GOLGA3: variants seen among roughly 807,000 people sequenced by gnomAD.
GOLGA3 encodes golgin A3.
A neutral mutation model predicts 169.4 loss-of-function variants in GOLGA3; 75 were observed. That is an observed-to-expected ratio of 0.44 (90% CI 0.37 to 0.54). The LOEUF (loss-of-function observed/expected upper bound fraction) is 0.54. Ranked by LOEUF, GOLGA3 falls within the 20% of genes least tolerant of loss-of-function variation. The pLI is 0.00. For synonymous variants in GOLGA3, 824 were observed against 822.4 expected, an observed-to-expected ratio of 1.00 and a Z score of -0.03; for missense variants, 1,899 against 1,930.0, an observed-to-expected ratio of 0.98 and a Z score of 0.30.
At position 132,777,467 on chromosome 12, in the gene GOLGA3, T is replaced by C. The variant is rs762442468; in HGVS notation, c.3722+199A>G. On this transcript the variant is annotated intron_variant, in intron 19 of 23. Coordinates refer to ENST00000450791, the MANE Select transcript of GOLGA3 (RefSeq NM_001389683.1). This position sits in a 1 kb window ranked among gnomAD's most constrained non-coding sequence, Gnocchi z 4.7. ...TACTCCTGCTGGGGCGCTTTCTCTC[T>C]TGGGGGGAGGACACGGGGCAGTGAG... 6.6e-6 allele frequency among the ~76,000 whole-genome samples: 1 copy of C among 152,126 alleles called. No homozygotes were observed. Among genetic ancestry groups the C allele is most frequent in the Non-Finnish European group, 1.5e-5 (1 of 68,010 alleles).
intron 8 of GOLGA3, among the ~76,000 whole-genome samples, chr12:132,800,358 G>C (rs1593312940): frequency 6.6e-6 from 1 of 152,220 alleles, no homozygotes; most frequent in South Asian, 2.1e-4. Context: ...GCCGGGCATG[G>C]TGGCGGGCGC....
chr12:132,809,228 C>G (rs1357325242), intron 4 of GOLGA3, among the ~76,000 whole-genome samples: 1 of 152,182 alleles, frequency 6.6e-6, no homozygotes, highest in Non-Finnish European at 1.5e-5. Context: ...TTTACTACTG[C>G]TGTCTAGAAG....
rs528481730 is a variant in GOLGA3 at position 132,810,421 on chromosome 12, T to C, written c.520-1872A>G. On this transcript the variant is annotated intron_variant, in intron 4 of 23. Coordinates refer to ENST00000450791, the MANE Select transcript of GOLGA3 (RefSeq NM_001389683.1). ...AACTGTTCCAGTATAATAAAGTATA[T>C]AAAATAAGAATAGTTATACCAGATA... Among the ~76,000 whole-genome samples the C allele has an allele frequency of 2.0e-5, 3 of 152,228 alleles. No homozygotes were observed. In the East Asian group the frequency reaches 5.8e-4, roughly 29 times the overall value.
intron 4 of GOLGA3, among the ~76,000 whole-genome samples, chr12:132,808,823 C>A (rs1415602095): frequency 6.6e-6 from 1 of 152,112 alleles, no homozygotes; most frequent in Admixed American, 6.5e-5. Context: ...AAAACACATC[C>A]CAGCAAGTAC....
chr12:132,781,850 C>A (rs551777364), intron 17 of GOLGA3, among the ~76,000 whole-genome samples: 1 of 152,288 alleles, frequency 6.6e-6, no homozygotes, highest in African/African-American at 2.4e-5. Context: ...GTGCCCCCTA[C>A]AAACAATGTC....
intron 1 of GOLGA3, chr12:132,828,490 C>CA (rs888908037): frequency 2.6e-5 from 4 of 152,324 alleles, no homozygotes; most frequent in African/African-American, 9.6e-5. Flanking sequence ...CAGGCTAAAG[C>CA]AAGCACTGCC....
chr12:132,777,639 G>C lies in GOLGA3; in HGVS notation c.3722+27C>G. 2 of 1,612,620 alleles carry C rather than the reference G, an allele frequency of 1.2e-6. No homozygotes were observed. The highest frequency in any genetic ancestry group is 1.1e-5 in the South Asian group (1 of 90,966). Reference sequence around the variant, plus strand: ...GCCCATTGCCAGGACAGCCATGTTTGAGGGCTGGCGGGGCCCAGGCACTCA... The same window carrying C: ...GCCCATTGCCAGGACAGCCATGTTTCAGGGCTGGCGGGGCCCAGGCACTCA... On this transcript the variant is annotated intron_variant, in intron 19 of 23. Transcript: ENST00000450791. This position sits in a 1 kb window ranked among gnomAD's most constrained non-coding sequence, Gnocchi z 4.7.
In GOLGA3 at chr12:132,773,020, A is replaced by T; in HGVS notation, c.*85T>A. 9.7e-7 allele frequency: 1 copy of T among 1,027,712 alleles called. No homozygotes were observed. The highest frequency in any genetic ancestry group is 1.7e-5 in the African/African-American group (1 of 60,066). The allele number at this position is 1,027,712 out of a possible 1,614,324, so 63.7% of individuals were successfully genotyped here. On this transcript the variant is annotated 3_prime_UTR_variant, in exon 24 of 24. Transcript: ENST00000450791. ...AAACAAAACTTAAATTTCATGTCTT[A>T]GAAAAACATCGACCACACAATCAAA... is the stretch of plus-strand genomic sequence containing the variant.
At chr12:132,823,631 C>T (rs993151604) in intron 1 of GOLGA3, among the ~76,000 whole-genome samples, 1 of 151,810 alleles carries the variant, frequency 6.6e-6, no homozygotes, top group Non-Finnish European at 1.5e-5. Flanking sequence ...ACTAAAAATA[C>T]AAAAAACTAG....
At chr12:132,821,785 C>T (rs1011720762) in intron 2 of GOLGA3, among the ~76,000 whole-genome samples, 47 of 132,866 alleles carry the variant, frequency 3.5e-4, no homozygotes, top group Non-Finnish European at 4.4e-4. Flanking sequence ...ACCCGGGAGG[C>T]GGAGCTTGCA....
chr12:132,799,553 C>G (rs1194095578), intron 8 of GOLGA3, among the ~76,000 whole-genome samples: 1 of 152,110 alleles, frequency 6.6e-6, no homozygotes, highest in Non-Finnish European at 1.5e-5. Context: ...GGCAGGAGGA[C>G]TGTTTGAGCC....
intron 2 of GOLGA3, among the ~76,000 whole-genome samples, chr12:132,820,224 C>T (rs978345678): frequency 3.3e-5 from 5 of 152,056 alleles, no homozygotes; most frequent in East Asian, 1.9e-4. Flanking sequence ...CGATAGTCAC[C>T]GCTACCCCAG....
Position 132,782,316 on chromosome 12 carries a change from G to A in GOLGA3, c.3445C>T (p.Leu1149=), listed in dbSNP as rs749241841. 2 of 1,614,142 alleles carry A rather than the reference G, an allele frequency of 1.2e-6. No homozygotes were observed. The highest frequency in any genetic ancestry group is 2.2e-5 in the South Asian group (2 of 91,088). ...ETALAKREAD[L]VQLNLQVQAV... is the part of the protein sequence containing the mutation. Reference sequence around the variant, plus strand: ...AATACCTGAAGGTTCAACTGGACTAGGTCTGCCTCCCTCTTGGCCAAAGCT... The same window carrying A: ...AATACCTGAAGGTTCAACTGGACTAAGTCTGCCTCCCTCTTGGCCAAAGCT... The change falls in exon 17 of 24, where the codon CTA becomes TTA. Residue 1149 remains leucine, a synonymous_variant. Coordinates refer to ENST00000450791, the MANE Select transcript of GOLGA3 (RefSeq NM_001389683.1).
At chr12:132,787,047 A>G (rs1976038) in intron 13 of GOLGA3, among the ~76,000 whole-genome samples, 87,509 of 151,464 alleles carry the variant, frequency 0.58, 26,077 homozygotes, top group East Asian at 0.72. Flanking sequence ...TCCGCCTCCC[A>G]GGTTCAAGTG....
chr12:132,810,993 A>C (rs1353049654), intron 4 of GOLGA3, among the ~76,000 whole-genome samples: 4 of 152,202 alleles, frequency 2.6e-5, no homozygotes, highest in African/African-American at 9.6e-5. Flanking sequence ...ATAACGGCAT[A>C]AGCTGTCTCT....
rs980565006 is a variant in GOLGA3 at position 132,804,307 on chromosome 12, A to G, written c.1597+409T>C. On this transcript the variant is annotated intron_variant, in intron 7 of 23. Transcript: ENST00000450791. The surrounding 1 kb of genome is among the most constrained non-coding windows in gnomAD (Gnocchi z 4.1). Reference sequence around the variant, plus strand: ...TGGACTTTTGAGGCAGGATCACCGCAGATACTCCAGGGTCCAAGGTCAATC... The same window carrying G: ...TGGACTTTTGAGGCAGGATCACCGCGGATACTCCAGGGTCCAAGGTCAATC... 1.3e-5 allele frequency among the ~76,000 whole-genome samples: 2 copies of G among 152,228 alleles called. No individual in the cohort carries two copies. Among genetic ancestry groups the G allele is most frequent in the African/African-American group, 4.8e-5 (2 of 41,462 alleles).
chr12:132,813,414 TAG>T lies in GOLGA3; in HGVS notation c.410_411del (p.Ser137TyrfsTer48). ...SLPMQETQLC[S>X]TDSPLPLEKE... ...TTCTCCAGGGGCAGGGGAGAATCTG[TAG>T]AGCCTGCAGTGGGAAAAGGGCAATT... On this transcript the variant is annotated frameshift_variant, in exon 4 of 24. Transcript: ENST00000450791. LOFTEE classifies it high-confidence loss of function. 4 of 1,595,984 alleles carry T rather than the reference TAG, an allele frequency of 2.5e-6. No individual in the cohort carries two copies. Among genetic ancestry groups the T allele is most frequent in the Non-Finnish European group, 3.4e-6 (4 of 1,166,994 alleles).
intron 2 of GOLGA3, among the ~76,000 whole-genome samples, chr12:132,818,171 G>A (rs989037016): frequency 3.0e-4 from 40 of 135,358 alleles, no homozygotes; most frequent in Middle Eastern, 4.3e-3. Flanking sequence ...AGGTGAACTC[G>A]CCCTCCACAC....
At chr12:132,826,262 ACTG>A in intron 1 of GOLGA3, 1 of 1,192,032 alleles carries the variant, frequency 8.4e-7, no homozygotes, top group Non-Finnish European at 1.2e-6. Context: ...AAAAAAAGAA[ACTG>A]GAAGAGCAGC....
Sources: gnomAD v4.1 joint callset for allele counts (sites outside exome capture counted in the v4.1 genomes callset) on GRCh38, gnomAD v4.1.1 for gene constraint, Gnocchi (gnomAD v3.1) non-coding constraint, MANE v1.5 for transcripts, NCBI Gene and HGNC (gene_info 2026-07-23, HGNC 2026-07-21) for gene names.